The following RNF6 variants were observed in gnomAD, a reference collection of about 807,000 sequenced individuals.
RNF6 encodes E3 ubiquitin-protein ligase RNF6.
RNF6 carries 21 observed loss-of-function variants against 50.1 expected under a neutral mutation model. The ratio of observed to expected loss-of-function variants is 0.42; its 90% CI spans 0.30 to 0.60. RNF6 has a LOEUF of 0.60. RNF6 is among the 20% of genes least tolerant of loss of function. The probability of loss-of-function intolerance (pLI) is 0.20; values close to 1 mark genes in which losing one functional copy is unlikely to be tolerated. For missense variants in RNF6, 698 were observed against 838.2 expected (o/e 0.83, Z 2.07); for synonymous variants, 255 against 291.8 (o/e 0.87, Z 1.29).
At chr13:26,148,096 G>A (rs2137573611) in intron 5 of RNF6, among the ~76,000 whole-genome samples, 1 of 152,268 alleles carries the variant, frequency 6.6e-6, no homozygotes, top group South Asian at 2.1e-4. Flanking sequence ...CATGACATAA[G>A]GCGAAGGAGA....
At chr13:26,163,428 C>A (rs1214677743) in intron 5 of RNF6, among the ~76,000 whole-genome samples, 1 of 152,102 alleles carries the variant, frequency 6.6e-6, no homozygotes, top group Non-Finnish European at 1.5e-5. Context: ...TTTCATCTGT[C>A]AATACTTCAG....
Position 26,216,590 on chromosome 13 carries a change from A to G in RNF6, c.290-998T>C, listed in dbSNP as rs1199815601. Among the ~76,000 whole-genome samples, 6 of 152,328 alleles carry G rather than the reference A, an allele frequency of 3.9e-5. No homozygotes were observed. In the East Asian group the frequency reaches 1.2e-3, roughly 29 times the overall value. ...ATAACCAGTAGATATTATATAAAGT[A>G]CAAAACTTAATAAAAAGCATCAACA... is the stretch of plus-strand genomic sequence containing the variant. On this transcript the variant is annotated intron_variant, in intron 4 of 4. Coordinates refer to ENST00000381588, the MANE Select transcript of RNF6 (RefSeq NM_005977.4).
intron 5 of RNF6, among the ~76,000 whole-genome samples, chr13:26,185,494 C>G (rs1190030578): frequency 6.6e-6 from 1 of 152,058 alleles, no homozygotes; most frequent in Admixed American, 6.6e-5. Context: ...CGCCTGTAAT[C>G]CCAGCACTTT....
At chr13:26,137,693 G>C (rs1870725232) in intron 5 of RNF6, among the ~76,000 whole-genome samples, 1 of 149,730 alleles carries the variant, frequency 6.7e-6, no homozygotes. Context: ...GGGTTGAAAA[G>C]CCCAATAACT....
At position 26,215,400 on chromosome 13, in the gene RNF6, C is replaced by T; in HGVS notation, c.482G>A (p.Gly161Glu). The T allele has an allele frequency of 1.2e-6, 2 of 1,614,160 alleles. No homozygotes were observed. Among genetic ancestry groups the T allele is most frequent in the South Asian group, 1.1e-5 (1 of 91,082 alleles). ...ATAATCTTCTCCATGAATTTCAAAT[C>T]CTCTATTTTCATGATTTACGTGGAT... ...LEIHVNHENR[G>E]FEIHGEDYTD... Residue 161 changes from glycine to glutamate, a missense_variant, in exon 5 of 5, where the codon GGA becomes GAA. Gly to Glu is a moderately conservative substitution (Grantham distance 98). Transcript: ENST00000381588.
chr13:26,172,763 T>C (rs1270426804), intron 5 of RNF6, among the ~76,000 whole-genome samples: 1 of 152,184 alleles, frequency 6.6e-6, no homozygotes, highest in African/African-American at 2.4e-5. Flanking sequence ...CAGGATGGTC[T>C]CGATCTCCTG....
rs112924946 is a variant in RNF6, at chr13:26,219,733, T to C, written c.-18-66A>G. ...TGGACCACATTTGGCTTTGTATTTT[T>C]AACTTGCAGTTTTTCTTAATTTTTA... On this transcript the variant is annotated intron_variant, in intron 2 of 4. Transcript: ENST00000381588. 15 of 1,380,914 alleles carry C rather than the reference T, an allele frequency of 1.1e-5. No individual in the cohort carries two copies. In the African/African-American group the frequency reaches 1.2e-4, roughly 11 times the overall value. 85.5% of individuals were successfully genotyped at this position (1,380,914 alleles called of 1,614,324 possible).
intron 4 of RNF6, among the ~76,000 whole-genome samples, chr13:26,218,093 T>C (rs953996088): frequency 2.0e-5 from 3 of 152,224 alleles, no homozygotes; most frequent in African/African-American, 7.2e-5. Flanking sequence ...ACTTTCCTTA[T>C]AAGAACTTTT....
At position 26,204,509 on chromosome 13, in the gene RNF6, A is replaced by G. The variant is rs1869024141; in HGVS notation, n.768+10965T>C. ...GAGACTCCACCTCAAAAAAAAAAAA[A>G]AAAAAAGAAAGAAAGAAAGAAAAAG... On this transcript the variant is annotated intron_variant and non_coding_transcript_variant, in intron 5 of 5. Transcript: ENST00000468480. 2.0e-5 allele frequency among the ~76,000 whole-genome samples: 3 copies of G among 151,616 alleles called. No homozygotes were observed. In the South Asian group the frequency reaches 6.2e-4, roughly 31 times the overall value.
At chr13:26,200,570 A>G (rs756344837) in intron 5 of RNF6, among the ~76,000 whole-genome samples, 4 of 152,022 alleles carry the variant, frequency 2.6e-5, no homozygotes, top group Non-Finnish European at 5.9e-5. Context: ...CACACCAGCT[A>G]ATTTTTTGTA....
intron 5 of RNF6, among the ~76,000 whole-genome samples, chr13:26,185,212 C>T (rs1366437946): frequency 6.6e-6 from 1 of 152,054 alleles, no homozygotes; most frequent in Non-Finnish European, 1.5e-5. Flanking sequence ...ATGCTGCCCA[C>T]GCTGGTCTCG....
intron 5 of RNF6, among the ~76,000 whole-genome samples, chr13:26,143,418 C>G (rs1254670825): frequency 1.3e-5 from 2 of 152,124 alleles, no homozygotes; most frequent in African/African-American, 4.8e-5. Context: ...CATATGGCAG[C>G]CTAAACTCCC....
chr13:26,176,725 G>A (rs755414370), intron 5 of RNF6, among the ~76,000 whole-genome samples: 87 of 152,324 alleles, frequency 5.7e-4, no homozygotes, highest in Non-Finnish European at 1.2e-3. Context: ...CTGAGGTCAG[G>A]AGTTCAAGAC....
intron 5 of RNF6, among the ~76,000 whole-genome samples, chr13:26,186,786 T>G (rs28731044): frequency 6.7e-6 from 1 of 150,118 alleles, no homozygotes; most frequent in African/African-American, 2.4e-5. Context: ...TTTTTTTTTT[T>G]TCTTTTTTTG....
At chr13:26,204,534 G>C (rs914417541) in intron 5 of RNF6, among the ~76,000 whole-genome samples, 5 of 144,652 alleles carry the variant, frequency 3.5e-5, no homozygotes, top group Non-Finnish European at 7.6e-5. Context: ...GAAAGAAAAA[G>C]AAAAAAGAAA....
At chr13:26,196,760 C>A (rs1198491550) in intron 5 of RNF6, among the ~76,000 whole-genome samples, 1 of 151,720 alleles carries the variant, frequency 6.6e-6, no homozygotes, top group Non-Finnish European at 1.5e-5. Flanking sequence ...GATAGAGATG[C>A]AAATCTGTAG....
At chr13:26,140,701 T>A (rs905265811) in intron 5 of RNF6, among the ~76,000 whole-genome samples, 1 of 152,136 alleles carries the variant, frequency 6.6e-6, no homozygotes, top group Non-Finnish European at 1.5e-5. Context: ...TTATCTCTCA[T>A]CATTGATGAT....
intron 5 of RNF6, chr13:26,149,047 T>C (rs2137576677): frequency 6.6e-6 from 1 of 152,064 alleles, no homozygotes; most frequent in East Asian, 1.9e-4. Flanking sequence ...GTCTACCTAT[T>C]TAAATGTTAA....
intron 5 of RNF6, among the ~76,000 whole-genome samples, chr13:26,146,806 C>A (rs1202018649): frequency 6.6e-6 from 1 of 152,166 alleles, no homozygotes; most frequent in Non-Finnish European, 1.5e-5. Context: ...TCTGTGCCCA[C>A]ACCCAAATCT....
Sources: gnomAD v4.1 joint callset for allele counts (sites outside exome capture counted in the v4.1 genomes callset) on GRCh38, gnomAD v4.1.1 for gene constraint, MANE v1.5 for transcripts, NCBI Gene and HGNC (gene_info 2026-07-23, HGNC 2026-07-21) for gene names.